The following SMIM31 variants were observed in gnomAD, a reference collection of about 807,000 sequenced individuals.
SMIM31 encodes the protein small integral membrane protein 31.
At chr4:164,773,453 G>GTCTTT (rs1560826788) in intron 2 of SMIM31, among the ~76,000 whole-genome samples, 1 of 152,154 alleles carries the variant, frequency 6.6e-6, no homozygotes, top group African/African-American at 2.4e-5. Context: ...ACTTACAATC[G>GTCTTT]TGGTGGAAGG....
chr4:164,762,996 A>G (rs1233700171), intron 1 of SMIM31, among the ~76,000 whole-genome samples: 2 of 152,226 alleles, frequency 1.3e-5, no homozygotes, highest in African/African-American at 4.8e-5. Flanking sequence ...CAAGCACAAA[A>G]GAATTCTGAT....
intron 1 of SMIM31, among the ~76,000 whole-genome samples, chr4:164,762,868 C>T (rs1225558903): frequency 1.3e-5 from 2 of 151,998 alleles, no homozygotes; most frequent in Non-Finnish European, 2.9e-5. Flanking sequence ...AAGAATGAAA[C>T]GCTTTGAAGA....
intron 2 of SMIM31, among the ~76,000 whole-genome samples, chr4:164,798,896 G>T (rs1733246544): frequency 6.6e-6 from 1 of 152,092 alleles, no homozygotes; most frequent in East Asian, 1.9e-4. Flanking sequence ...TTCTCATGAA[G>T]TCCGACTGTT....
At chr4:164,785,838 GGAA>G (rs1284221815) in intron 2 of SMIM31, among the ~76,000 whole-genome samples, 2 of 151,968 alleles carry the variant, frequency 1.3e-5, no homozygotes, top group Non-Finnish European at 2.9e-5. Flanking sequence ...TTCTTATAAT[GGAA>G]GAAGTAGAAT....
chr4:164,800,939 C>T (rs1733274941), intron 2 of SMIM31, among the ~76,000 whole-genome samples, 152 bp from the exon 3 acceptor site: 1 of 152,212 alleles, frequency 6.6e-6, no homozygotes. Flanking sequence ...CTCATCCTTG[C>T]TCTGTCTCCT....
chr4:164,760,502 G>A lies in SMIM31; in HGVS notation c.-26+6091G>A, dbSNP rs975268530. Among the ~76,000 whole-genome samples the A allele has an allele frequency of 1.4e-4, 21 of 151,758 alleles. 1 individual carries two copies. Among genetic ancestry groups the A allele is most frequent in the African/African-American group, 4.8e-5 (2 of 41,316 alleles). ...TCCCAGCACTTTGGGAGGCCAAGGC[G>A]GGTGGATCACTTGAGGTCAGGAGTT... On this transcript the variant is annotated intron_variant, in intron 1 of 2. Coordinates refer to ENST00000507311, the MANE Select transcript of SMIM31 (RefSeq NM_001352885.1).
At chr4:164,788,757 A>G (rs938990658) in intron 2 of SMIM31, among the ~76,000 whole-genome samples, 1 of 151,892 alleles carries the variant, frequency 6.6e-6, no homozygotes, top group African/African-American at 2.4e-5. Flanking sequence ...AAGTGCTGGG[A>G]TTACAGGCGT....
At chr4:164,799,165 C>T (rs1733249992) in intron 2 of SMIM31, among the ~76,000 whole-genome samples, 1 of 152,044 alleles carries the variant, frequency 6.6e-6, no homozygotes, top group African/African-American at 2.4e-5. Flanking sequence ...GAGGGTGGAT[C>T]CCTTGAACTC....
intron 2 of SMIM31, among the ~76,000 whole-genome samples, chr4:164,786,768 T>C (rs551402137): frequency 2.6e-5 from 4 of 152,356 alleles, no homozygotes; most frequent in Non-Finnish European, 4.4e-5. Flanking sequence ...GTCACTGCCT[T>C]GTTTGAACAT....
intron 2 of SMIM31, among the ~76,000 whole-genome samples, chr4:164,781,544 T>G (rs1342644196): frequency 1.3e-5 from 2 of 152,154 alleles, no homozygotes; most frequent in African/African-American, 4.8e-5. Flanking sequence ...CTCAACCTCA[T>G]TATTGTTTTA....
intron 2 of SMIM31, among the ~76,000 whole-genome samples, chr4:164,773,122 C>T (rs1442211874): frequency 6.9e-6 from 1 of 145,274 alleles, no homozygotes; most frequent in Admixed American, 6.9e-5. Context: ...CAAGATACAA[C>T]TTAATTTTTA....
intron 2 of SMIM31, among the ~76,000 whole-genome samples, chr4:164,774,869 C>T (rs1386763030): frequency 6.6e-6 from 1 of 152,046 alleles, no homozygotes; most frequent in African/African-American, 2.4e-5. Flanking sequence ...TGATCCATTC[C>T]AGTACCATTT....
chr4:164,800,915 T>C (rs1733274762), intron 2 of SMIM31, among the ~76,000 whole-genome samples, 176 bp from the exon 3 acceptor site: 1 of 152,162 alleles, frequency 6.6e-6, no homozygotes, highest in Non-Finnish European at 1.5e-5. Flanking sequence ...CTCTTCTCAG[T>C]GGGCAAATGT....
chr4:164,783,093 T>C (rs550312982), intron 2 of SMIM31, among the ~76,000 whole-genome samples: 3 of 149,778 alleles, frequency 2.0e-5, no homozygotes, highest in Non-Finnish European at 4.4e-5. Flanking sequence ...TGGCACACGC[T>C]TGTAGTCCCA....
rs976813912 is a variant in SMIM31 at position 164,800,697 on chromosome 4, G to A, written c.113-394G>A. Among the ~76,000 whole-genome samples the A allele has an allele frequency of 2.0e-5, 3 of 152,194 alleles. No homozygotes were observed. In the South Asian group the frequency reaches 6.2e-4, roughly 32 times the overall value. On this transcript the variant is annotated intron_variant, in intron 2 of 2. Coordinates refer to ENST00000507311, the MANE Select transcript of SMIM31 (RefSeq NM_001352885.1). ...CCCAAAATCTATCACAAGTTGTCTTGAGCACCCAGCCCTCTACAGCTTTCT... is the reference window on the plus strand; with the variant it reads ...CCCAAAATCTATCACAAGTTGTCTTAAGCACCCAGCCCTCTACAGCTTTCT...
intron 2 of SMIM31, among the ~76,000 whole-genome samples, chr4:164,793,546 T>C (rs936653456): frequency 1.3e-5 from 2 of 152,196 alleles, no homozygotes; most frequent in African/African-American, 4.8e-5. Flanking sequence ...ACTGGTCAAG[T>C]AGGTTTTATT....
intron 1 of SMIM31, among the ~76,000 whole-genome samples, chr4:164,769,682 A>G (rs1302208789): frequency 6.6e-6 from 1 of 151,840 alleles, no homozygotes; most frequent in Non-Finnish European, 1.5e-5. Context: ...CCAACATGGC[A>G]CATGTATACA....
intron 2 of SMIM31, among the ~76,000 whole-genome samples, chr4:164,798,197 G>C (rs911505277): frequency 6.6e-6 from 1 of 151,500 alleles, no homozygotes; most frequent in Non-Finnish European, 1.5e-5. Flanking sequence ...ATAAACATAT[G>C]AGTATAGGTA....
chr4:164,767,061 C>T (rs545571508), intron 1 of SMIM31, among the ~76,000 whole-genome samples: 10 of 152,122 alleles, frequency 6.6e-5, no homozygotes, highest in Non-Finnish European at 8.8e-5. Flanking sequence ...TACCATCAGA[C>T]GGGATGTGGG....
Sources: allele counts gnomAD v4.1 joint callset (sites outside exome capture counted in the v4.1 genomes callset), GRCh38; gene constraint gnomAD v4.1.1; transcripts MANE v1.5; gene names NCBI Gene and HGNC (gene_info 2026-07-23, HGNC 2026-07-21).